The following KCNH1 variants were observed in gnomAD, a reference collection of about 807,000 sequenced individuals.
KCNH1 encodes the protein voltage-gated delayed rectifier potassium channel KCNH1.
In KCNH1, 27 loss-of-function variants were observed where a neutral mutation model predicts 69.2. That is an observed-to-expected ratio of 0.39 (90% CI 0.29 to 0.54). KCNH1 has a LOEUF of 0.54. KCNH1 is among the 20% of genes least tolerant of loss of function. KCNH1 has a pLI of 0.68. For missense variants in KCNH1, 798 were observed against 1,261.6 expected, an observed-to-expected ratio of 0.63 and a Z score of 5.57; for synonymous variants, 456 against 487.7, an observed-to-expected ratio of 0.93 and a Z score of 0.86.
chr1:210,955,564 C>T (rs1471190350), intron 6 of KCNH1, among the ~76,000 whole-genome samples: 1 of 152,106 alleles, frequency 6.6e-6, no homozygotes, highest in African/African-American at 2.4e-5. Context: ...TGTTTGTGTC[C>T]TCTTTTATTT....
chr1:211,068,661 T>C (rs927833180), intron 5 of KCNH1, among the ~76,000 whole-genome samples: 1 of 152,220 alleles, frequency 6.6e-6, no homozygotes, highest in African/African-American at 2.4e-5. Flanking sequence ...CCCAAAGTGC[T>C]GGGATTACAG....
At chr1:211,000,585 G>A (rs188872475) in intron 6 of KCNH1, among the ~76,000 whole-genome samples, 13 of 152,246 alleles carry the variant, frequency 8.5e-5, no homozygotes, top group African/African-American at 2.9e-4. Flanking sequence ...TGGTCATACT[G>A]CCCAAGGTAA....
chr1:210,939,569 C>T (rs1315856210), intron 6 of KCNH1, among the ~76,000 whole-genome samples: 1 of 152,184 alleles, frequency 6.6e-6, no homozygotes, highest in African/African-American at 2.4e-5. Flanking sequence ...TCAGGAAGCA[C>T]ATCTTTGGTG....
At chr1:210,982,192 A>G (rs1194746754) in intron 6 of KCNH1, among the ~76,000 whole-genome samples, 4 of 150,794 alleles carry the variant, frequency 2.7e-5, no homozygotes, top group Non-Finnish European at 4.4e-5. Flanking sequence ...AAAATTAAAT[A>G]ACAGCTACGA....
At chr1:210,727,753 G>A (rs1182413905) in intron 10 of KCNH1, among the ~76,000 whole-genome samples, 1 of 152,132 alleles carries the variant, frequency 6.6e-6, no homozygotes. Flanking sequence ...CAAGAACCAG[G>A]CACATTTTCA....
At position 210,843,455 on chromosome 1, in the gene KCNH1, G is replaced by C. The variant is rs1685468628; in HGVS notation, c.1463-39289C>G. The stretch of plus-strand genomic sequence containing the variant: ...ATGTTTGCACTCTCCCATTCTGGCT[G>C]AATGCTGATCTTTCTATGCTGTAAC... On this transcript the variant is annotated intron_variant, in intron 7 of 10. Transcript: ENST00000271751. Among the ~76,000 whole-genome samples the C allele has an allele frequency of 2.0e-5, 3 of 152,300 alleles. No homozygotes were observed. In the South Asian group the frequency reaches 6.2e-4, roughly 32 times the overall value.
At chr1:211,082,169 A>C (rs1690869976) in intron 5 of KCNH1, among the ~76,000 whole-genome samples, 1 of 152,308 alleles carries the variant, frequency 6.6e-6, no homozygotes, top group South Asian at 2.1e-4. Context: ...AACAATTTTA[A>C]GTATATTTAT....
intron 5 of KCNH1, among the ~76,000 whole-genome samples, chr1:211,025,774 C>T (rs1029034864): frequency 6.6e-6 from 1 of 152,154 alleles, no homozygotes; most frequent in Non-Finnish European, 1.5e-5. Context: ...TGACCTCTGG[C>T]ATGTGTCTAG....
intron 6 of KCNH1, among the ~76,000 whole-genome samples, chr1:210,954,883 T>C (rs1385048723): frequency 2.0e-5 from 3 of 152,264 alleles, no homozygotes; most frequent in African/African-American, 7.2e-5. Context: ...TTTCTTTTGC[T>C]GTGCAGAAGC....
intron 7 of KCNH1, among the ~76,000 whole-genome samples, chr1:210,899,503 ATATT>A (rs956822350): frequency 3.1e-4 from 47 of 152,004 alleles, no homozygotes; most frequent in African/African-American, 1.1e-3. Context: ...ATATATATAT[ATATT>A]TTTATCATTA....
chr1:210,791,682 G>A (rs1369103320), intron 9 of KCNH1, among the ~76,000 whole-genome samples: 1 of 152,106 alleles, frequency 6.6e-6, no homozygotes, highest in East Asian at 1.9e-4. Flanking sequence ...GTTACTTATT[G>A]TCACTAGCCA....
intron 9 of KCNH1, among the ~76,000 whole-genome samples, chr1:210,793,876 C>T (rs549706868): frequency 1.3e-5 from 2 of 152,320 alleles, no homozygotes; most frequent in South Asian, 2.1e-4. Context: ...TATGGCAATG[C>T]GAATCATGCA....
At chr1:210,941,778 T>C (rs1364969343) in intron 6 of KCNH1, among the ~76,000 whole-genome samples, 2 of 152,116 alleles carry the variant, frequency 1.3e-5, no homozygotes, top group Admixed American at 6.6e-5. Flanking sequence ...AGGGAAACAG[T>C]GCAATCCTAA....
chr1:210,955,107 G>C (rs1342902043), intron 6 of KCNH1, among the ~76,000 whole-genome samples: 3 of 152,286 alleles, frequency 2.0e-5, no homozygotes, highest in South Asian at 2.1e-4. Flanking sequence ...TCCAGTTTCA[G>C]CTTTCTACAT....
intron 5 of KCNH1, among the ~76,000 whole-genome samples, chr1:211,056,281 G>A (rs1358102319): frequency 2.6e-5 from 4 of 151,894 alleles, no homozygotes; most frequent in Non-Finnish European, 5.9e-5. Context: ...ACTTGCCAAG[G>A]GGCCTAGGGT....
chr1:211,121,548 T>C (rs1691684683), intron 1 of KCNH1, among the ~76,000 whole-genome samples: 1 of 152,188 alleles, frequency 6.6e-6, no homozygotes, highest in Non-Finnish European at 1.5e-5. Context: ...AACTCAAGAC[T>C]TAAATGTAAA....
intron 6 of KCNH1, among the ~76,000 whole-genome samples, chr1:210,963,409 G>T (rs374664200): frequency 1.3e-5 from 2 of 152,044 alleles, no homozygotes; most frequent in African/African-American, 4.8e-5. Context: ...CCTCACCAGC[G>T]AGGGAACAAA....
intron 6 of KCNH1, among the ~76,000 whole-genome samples, chr1:210,937,143 G>A (rs1460705391): frequency 2.0e-5 from 3 of 152,006 alleles, no homozygotes; most frequent in African/African-American, 4.8e-5. Context: ...AACACACAAC[G>A]GCTCAATTTC....
intron 3 of KCNH1, among the ~76,000 whole-genome samples, chr1:211,092,533 T>C (rs1691070724): frequency 6.6e-6 from 1 of 152,196 alleles, no homozygotes; most frequent in Non-Finnish European, 1.5e-5. Context: ...GTTCTGCAAA[T>C]ACCAACAGAT....
Sources: allele counts gnomAD v4.1 joint callset (sites outside exome capture counted in the v4.1 genomes callset), GRCh38; gene constraint gnomAD v4.1.1; transcripts MANE v1.5; gene names NCBI Gene and HGNC (gene_info 2026-07-23, HGNC 2026-07-21).